Variants in PPID observed in about 807,000 individuals in gnomAD.
PPID encodes peptidyl-prolyl cis-trans isomerase D.
In PPID, 47 loss-of-function variants were observed where a neutral mutation model predicts 48.1. That is an observed-to-expected ratio of 0.98 (90% CI 0.77 to 1.25). The LOEUF (loss-of-function observed/expected upper bound fraction) is 1.25, where lower values mean the gene tolerates loss of function less well. Ranked by LOEUF, PPID falls within the 50% of genes most tolerant of loss-of-function variation. PPID has a pLI of 0.00. For synonymous variants in PPID, 163 were observed against 148.8 expected (o/e 1.10, Z -0.69); for missense variants, 429 against 443.5 (o/e 0.97, Z 0.29).
chr4:158,710,440 G>A (rs1774769660), intron 9 of PPID, 188 bp downstream of exon 9: 1 of 635,218 alleles, frequency 1.6e-6, no homozygotes, highest in Non-Finnish European at 2.8e-6. Context: ...GGAGTAGAAT[G>A]TAAGCTCTTT....
Position 158,709,737 on chromosome 4 carries a change from T to G in PPID, c.1112A>C (p.Ter371SerextTer13). 1 of 1,596,262 alleles carries G rather than the reference T, an allele frequency of 6.3e-7. No homozygotes were observed. Among genetic ancestry groups the G allele is most frequent in the Non-Finnish European group, 8.6e-7 (1 of 1,166,442 alleles). The change falls in exon 10 of 10, where the codon TAG (stop) becomes TCG (serine). Residue 371 changes from the stop codon to serine, a stop_lost. Coordinates refer to ENST00000307720, the MANE Select transcript of PPID (RefSeq NM_005038.3). ...EKAVYAKMFA[*>S] is the part of the protein sequence containing the mutation. ...ACAATAAGCAAAACTGAATCCTTTC[T>G]AAGCAAACATTTTTGCATATACTGC...
rs2126343887 is a variant in PPID at position 158,723,226 on chromosome 4, G to A, written c.63C>T (p.Asp21=). 6.2e-7 allele frequency: 1 copy of A among 1,613,992 alleles called. No individual in the cohort carries two copies. Among genetic ancestry groups the A allele is most frequent in the East Asian group, 2.2e-5 (1 of 44,874 alleles). Residue 21 remains aspartate (D), a synonymous_variant, in exon 1 of 10, where the codon GAC becomes GAT. Transcript: ENST00000307720. ...SNPSNPRVFF[D]VDIGGERVGR... ...CACCTCGCTCCCCTCCGATGTCCAC[G>A]TCAAAGAAGACTCGAGGGTTACTGG... is the stretch of plus-strand genomic sequence containing the variant.
intron 6 of PPID, among the ~76,000 whole-genome samples, chr4:158,714,972 T>A (rs1774846359): frequency 6.6e-6 from 1 of 152,216 alleles, no homozygotes; most frequent in African/African-American, 2.4e-5. Context: ...CTTTGTTTCT[T>A]AGGAAATACG....
chr4:158,712,723 C>T (rs886936913), intron 7 of PPID, among the ~76,000 whole-genome samples: 1 of 152,030 alleles, frequency 6.6e-6, no homozygotes, highest in Non-Finnish European at 1.5e-5. Flanking sequence ...CGCCACTGCA[C>T]TCCAGCCTGG....
chr4:158,714,939 G>T (rs763424105), intron 6 of PPID, among the ~76,000 whole-genome samples: 2 of 152,134 alleles, frequency 1.3e-5, no homozygotes, highest in Non-Finnish European at 2.9e-5. Flanking sequence ...GTGTTTTAAC[G>T]GTATTGAACT....
intron 7 of PPID, 79 bp downstream of exon 7, chr4:158,713,039 TA>T (rs1774814490): frequency 1.4e-6 from 2 of 1,416,160 alleles, no homozygotes; most frequent in East Asian, 4.6e-5. Flanking sequence ...TAAGATATAT[TA>T]ATGTATATAA....
At chr4:158,721,951 T>C (rs1036069318) in intron 1 of PPID, among the ~76,000 whole-genome samples, 3 of 152,202 alleles carry the variant, frequency 2.0e-5, no homozygotes, top group African/African-American at 4.8e-5. Flanking sequence ...TTAAAAAAAA[T>C]CCATCTGTAG....
rs555144855 is a variant in PPID, at chr4:158,718,560, T to G, written c.333+620A>C. 2.0e-5 allele frequency among the ~76,000 whole-genome samples: 3 copies of G among 152,350 alleles called. No homozygotes were observed. In the East Asian group the frequency reaches 5.8e-4, roughly 29 times the overall value. ...TTTATAAACCCTTTGGTGCCAGTGA[T>G]AGTGGCTCAATAAACACTGACTGGA... On this transcript the variant is annotated intron_variant, in intron 3 of 9. Coordinates refer to ENST00000307720, the MANE Select transcript of PPID (RefSeq NM_005038.3).
intron 9 of PPID, 120 bp downstream of exon 9, chr4:158,710,508 G>A: frequency 9.6e-7 from 1 of 1,044,276 alleles, no homozygotes; most frequent in Non-Finnish European, 1.5e-6. Context: ...TGGCCCAACA[G>A]CAGGCATTCT....
chr4:158,722,052 T>G (rs1469531496), intron 1 of PPID, among the ~76,000 whole-genome samples: 1 of 152,212 alleles, frequency 6.6e-6, no homozygotes, highest in Non-Finnish European at 1.5e-5. Context: ...ACATACAAAC[T>G]TCATTTCCTT....
rs1224238096 is a variant in PPID at position 158,719,306 on chromosome 4, C to T, written c.227-20G>A. The T allele has an allele frequency of 2.7e-6, 4 of 1,469,002 alleles. No homozygotes were observed. Among genetic ancestry groups the T allele is most frequent in the Non-Finnish European group, 3.8e-6 (4 of 1,050,176 alleles). 91.0% of individuals were successfully genotyped at this position (1,469,002 alleles called of 1,614,324 possible). A position where few individuals can be genotyped will look rare whatever the true frequency, so the allele number is the denominator to read the frequency against. The stretch of plus-strand genomic sequence containing the variant: ...TAATAACTACAAAAAAGGAAAATGG[C>T]TATTAGTGACTGAGACATGGATGCC... On this transcript the variant is annotated intron_variant, in intron 2 of 9. Transcript: ENST00000307720.
intron 6 of PPID, 80 bp downstream of exon 6, chr4:158,715,217 A>C (rs1220815843): frequency 8.4e-7 from 1 of 1,196,620 alleles, no homozygotes; most frequent in Non-Finnish European, 1.1e-6. Flanking sequence ...AATTTGCAAA[A>C]ATATAATGAG....
In PPID at chr4:158,723,273, G is replaced by C. The variant is rs760272453; in HGVS notation, c.16C>G (p.Pro6Ala). The change falls in exon 1 of 10, where the codon CCC (proline) becomes GCC (alanine). Residue 6 changes from proline (P) to alanine (A), a missense_variant. Physicochemically the swap from Pro to Ala is conservative, Grantham distance 27. Coordinates refer to ENST00000307720, the MANE Select transcript of PPID (RefSeq NM_005038.3). MSHPS[P>A]QAKPSNPSNP... The stretch of plus-strand genomic sequence containing the variant: ...CTGGGGTTGGAGGGCTTGGCTTGGG[G>C]GGACGGGTGCGACATCTTGACTTGC... 1.2e-6 allele frequency: 2 copies of C among 1,613,980 alleles called. No individual in the cohort carries two copies. The highest frequency in any genetic ancestry group is 2.2e-5 in the South Asian group (2 of 91,084).
chr4:158,714,420 GA>G, intron 6 of PPID, among the ~76,000 whole-genome samples: 1 of 152,116 alleles, frequency 6.6e-6, no homozygotes, highest in African/African-American at 2.4e-5. Flanking sequence ...ACATACAGAT[GA>G]AAGTCTATAA....
intron 1 of PPID, among the ~76,000 whole-genome samples, chr4:158,721,878 A>C (rs1260189589): frequency 6.6e-6 from 1 of 152,200 alleles, no homozygotes; most frequent in African/African-American, 2.4e-5. Context: ...TGTTGTCAGA[A>C]GTGACAAGAT....
intron 2 of PPID, 25 bp downstream of exon 2, chr4:158,721,318 C>T (rs766477218): frequency 5.0e-6 from 8 of 1,610,232 alleles, no homozygotes; most frequent in Admixed American, 1.7e-5. Flanking sequence ...TGAAGAATAA[C>T]AAGATTAAGA....
intron 2 of PPID, among the ~76,000 whole-genome samples, chr4:158,720,391 G>A (rs529328410): frequency 5.4e-4 from 82 of 152,062 alleles, no homozygotes; most frequent in African/African-American, 1.4e-3. Flanking sequence ...TTAATAAATC[G>A]TTTAAAAAAT....
intron 6 of PPID, 90 bp from the exon 7 acceptor site, chr4:158,713,350 T>C: frequency 8.3e-7 from 1 of 1,204,482 alleles, no homozygotes; most frequent in Non-Finnish European, 1.1e-6. Context: ...TCATTTCTGA[T>C]ATAAAAAGCT....
chr4:158,718,876 A>G (rs1053281951), intron 3 of PPID, among the ~76,000 whole-genome samples: 4 of 152,268 alleles, frequency 2.6e-5, no homozygotes, highest in Admixed American at 2.0e-4. Context: ...ACAAGTTACC[A>G]TCCTTCCAAC....
Sources: allele counts gnomAD v4.1 joint callset (sites outside exome capture counted in the v4.1 genomes callset), GRCh38; gene constraint gnomAD v4.1.1; transcripts MANE v1.5; gene names NCBI Gene and HGNC (gene_info 2026-07-23, HGNC 2026-07-21).